SLC30A9: variants seen among roughly 807,000 people sequenced by gnomAD.
SLC30A9 encodes the protein proton-coupled zinc antiporter SLC30A9, mitochondrial.
A neutral mutation model predicts 87.5 loss-of-function variants in SLC30A9; 58 were observed. The observed-to-expected ratio is 0.66, with a 90% CI of 0.54 to 0.82. The LOEUF (loss-of-function observed/expected upper bound fraction) is 0.82, where lower values mean the gene tolerates loss of function less well. SLC30A9 is among the 40% of genes least tolerant of loss of function. The pLI, the probability that SLC30A9 is intolerant of heterozygous loss-of-function variation, is 0.00. For missense variants in SLC30A9, 557 were observed against 679.1 expected (o/e 0.82, Z 2.00); for synonymous variants, 234 against 233.0 (o/e 1.00, Z -0.04).
At chr4:42,066,740 G>C in intron 13 of SLC30A9, 119 bp downstream of exon 13, 1 of 618,750 alleles carries the variant, frequency 1.6e-6, no homozygotes, top group Non-Finnish European at 2.8e-6. Context: ...TATCATCCCT[G>C]TGTGGCTCTT....
chr4:42,074,860 A>G (rs562922951), intron 15 of SLC30A9, among the ~76,000 whole-genome samples: 1 of 151,720 alleles, frequency 6.6e-6, no homozygotes, highest in South Asian at 2.1e-4. Context: ...GAAGACTTTT[A>G]AAGAAGCTAG....
chr4:42,059,164 G>GA (rs1717746195), intron 9 of SLC30A9, among the ~76,000 whole-genome samples: 1 of 152,134 alleles, frequency 6.6e-6, no homozygotes, highest in Admixed American at 6.6e-5. Flanking sequence ...CATCTGTGAA[G>GA]AAGTCATTAT....
At chr4:42,058,456 T>C (rs904191692) in intron 9 of SLC30A9, among the ~76,000 whole-genome samples, 1 of 152,180 alleles carries the variant, frequency 6.6e-6, no homozygotes, top group African/African-American at 2.4e-5. Context: ...TCCAAACTGT[T>C]CCAACCCCTG....
chr4:42,059,494 A>G (rs1477911567), intron 9 of SLC30A9, among the ~76,000 whole-genome samples: 2 of 152,220 alleles, frequency 1.3e-5, no homozygotes, highest in Non-Finnish European at 2.9e-5. Context: ...GAGGAGAGGC[A>G]GTCAGAAAGG....
At chr4:42,024,275 G>A (rs1716096307) in intron 6 of SLC30A9, among the ~76,000 whole-genome samples, 1 of 152,172 alleles carries the variant, frequency 6.6e-6, no homozygotes, top group African/African-American at 2.4e-5. Flanking sequence ...GGAGGCTGAG[G>A]TGGGAGGATC....
At chr4:42,029,160 C>T (rs191203890) in intron 6 of SLC30A9, 7 of 357,424 alleles carry the variant, frequency 2.0e-5, no homozygotes, top group African/African-American at 1.3e-4. Flanking sequence ...GGGCGTGCCC[C>T]GAAGCCACCC....
chr4:42,031,292 C>T (rs1163610239), intron 6 of SLC30A9, among the ~76,000 whole-genome samples: 1 of 151,838 alleles, frequency 6.6e-6, no homozygotes, highest in South Asian at 2.1e-4. Context: ...AAGACATCTG[C>T]AGCAGATATA....
At chr4:42,015,285 A>T (rs1232550573) in intron 2 of SLC30A9, among the ~76,000 whole-genome samples, 1 of 152,220 alleles carries the variant, frequency 6.6e-6, no homozygotes, top group Non-Finnish European at 1.5e-5. Context: ...ATAGAAATAC[A>T]GTCTTATAAA....
intron 1 of SLC30A9, among the ~76,000 whole-genome samples, chr4:41,999,009 C>CA (rs748399328): frequency 6.6e-6 from 1 of 152,052 alleles, no homozygotes; most frequent in Non-Finnish European, 1.5e-5. Flanking sequence ...AAAAAGCTAT[C>CA]AAAGATTATG....
chr4:42,063,055 A>T lies in SLC30A9; in HGVS notation c.966A>T (p.Ala322=), dbSNP rs1437633531. ...GTGTTGGTATTTTCATGATGGGTGC[A>T]GGACTATCTTGGTACCATGGAGTCA... ...ISGVGIFMMG[A]GLSWYHGVMG... The change falls in exon 11 of 18, where the codon GCA becomes GCT. Residue 322 remains alanine (A), a synonymous_variant. Transcript: ENST00000264451. The T allele has an allele frequency of 6.2e-7, 1 of 1,613,306 alleles. No homozygotes were observed.
intron 10 of SLC30A9, 129 bp from the exon 11 acceptor site, chr4:42,062,857 A>T: frequency 2.6e-6 from 2 of 783,594 alleles, no homozygotes; most frequent in Non-Finnish European, 3.9e-6. Flanking sequence ...TTGGCACTTA[A>T]CATCTTACTT....
chr4:42,049,575 T>A, intron 9 of SLC30A9, 96 bp downstream of exon 9: 1 of 593,848 alleles, frequency 1.7e-6, no homozygotes, highest in Non-Finnish European at 2.8e-6. Context: ...ATGATTCCAG[T>A]AGTTGGCTTG....
At chr4:41,992,759 T>C (rs1714508917) in intron 1 of SLC30A9, among the ~76,000 whole-genome samples, 2 of 152,236 alleles carry the variant, frequency 1.3e-5, no homozygotes, top group Non-Finnish European at 2.9e-5. Flanking sequence ...GTTTCAGTAA[T>C]GAAGCATTTC....
chr4:42,028,059 G>A (rs1716264736), intron 6 of SLC30A9, among the ~76,000 whole-genome samples: 2 of 152,218 alleles, frequency 1.3e-5, no homozygotes, highest in African/African-American at 2.4e-5. Context: ...AGTTTGAAGA[G>A]ACTGGAGAAT....
At chr4:42,008,489 C>T (rs1346020277) in intron 2 of SLC30A9, among the ~76,000 whole-genome samples, 1 of 152,106 alleles carries the variant, frequency 6.6e-6, no homozygotes. Flanking sequence ...AGAGTTCTAA[C>T]CTGGAACTAA....
chr4:42,012,876 A>G (rs538939927), intron 2 of SLC30A9, among the ~76,000 whole-genome samples: 3 of 152,350 alleles, frequency 2.0e-5, no homozygotes, highest in South Asian at 4.1e-4. Flanking sequence ...AAGAGACAAC[A>G]AAGAACAAGA....
chr4:42,010,180 C>T (rs181386319), intron 2 of SLC30A9, among the ~76,000 whole-genome samples: 3 of 152,182 alleles, frequency 2.0e-5, no homozygotes, highest in East Asian at 1.9e-4. Flanking sequence ...GGTATCAAAA[C>T]GTACTGTATT....
In SLC30A9 at chr4:42,049,944, C is replaced by T. The variant is rs114534333; in HGVS notation, c.840+465C>T. Among the ~76,000 whole-genome samples, 522 of 152,142 alleles carry T rather than the reference C, an allele frequency of 3.4e-3. 1 individual carries two copies. Among genetic ancestry groups the T allele is most frequent in the African/African-American group, 0.012 (504 of 41,518 alleles). ...TGGCCCAAATTGTGAAAACTAGAAA[C>T]CCAAAACTTTTCTAAGAATATAATA... On this transcript the variant is annotated intron_variant, in intron 9 of 17. Coordinates refer to ENST00000264451, the MANE Select transcript of SLC30A9 (RefSeq NM_006345.4).
intron 14 of SLC30A9, chr4:42,070,041 A>G (rs1408294220): frequency 6.6e-6 from 1 of 152,404 alleles, no homozygotes; most frequent in East Asian, 1.9e-4. Context: ...GCTATATATC[A>G]TCCTTGGTTG....
Sources: gnomAD v4.1 joint callset for allele counts (sites outside exome capture counted in the v4.1 genomes callset) on GRCh38, gnomAD v4.1.1 for gene constraint, MANE v1.5 for transcripts, NCBI Gene and HGNC (gene_info 2026-07-23, HGNC 2026-07-21) for gene names.